ARHGEF10L: variants seen among roughly 807,000 people sequenced by gnomAD.
The protein encoded by ARHGEF10L is Rho guanine nucleotide exchange factor 10 like.
In ARHGEF10L, 69 loss-of-function variants were observed where a neutral mutation model predicts 141.2. The observed-to-expected ratio is 0.49, with a 90% CI of 0.40 to 0.60. The LOEUF (loss-of-function observed/expected upper bound fraction) is 0.60. Ranked by LOEUF, ARHGEF10L falls within the 20% of genes least tolerant of loss-of-function variation. ARHGEF10L has a pLI of 0.00. For synonymous variants in ARHGEF10L, 711 were observed against 718.5 expected, an observed-to-expected ratio of 0.99 and a Z score of 0.17; for missense variants, 1,482 against 1,734.3, an observed-to-expected ratio of 0.85 and a Z score of 2.58.
At chr1:17,616,404 C>T (rs969097851) in intron 9 of ARHGEF10L, among the ~76,000 whole-genome samples, 3 of 152,190 alleles carry the variant, frequency 2.0e-5, no homozygotes, top group Non-Finnish European at 4.4e-5. Context: ...GCAGGCGTGG[C>T]CTGTCCCTTC....
At chr1:17,662,049 C>T (rs2062664844) in intron 25 of ARHGEF10L, among the ~76,000 whole-genome samples, 1 of 152,250 alleles carries the variant, frequency 6.6e-6, no homozygotes, top group Non-Finnish European at 1.5e-5. Context: ...TCAACACTTG[C>T]TTCCACACAC....
intron 7 of ARHGEF10L, 94 bp from the exon 8 acceptor site, chr1:17,612,964 C>T: frequency 1.2e-6 from 1 of 846,096 alleles, no homozygotes; most frequent in East Asian, 2.5e-5. Context: ...TTACCTGAGT[C>T]TCCTTTCTCC....
chr1:17,579,510 G>T (rs932514405), intron 1 of ARHGEF10L, among the ~76,000 whole-genome samples: 10 of 152,124 alleles, frequency 6.6e-5, no homozygotes, highest in African/African-American at 2.2e-4. Context: ...TTATAATTTG[G>T]AATAATAGAC....
intron 2 of ARHGEF10L, among the ~76,000 whole-genome samples, chr1:17,582,858 C>T (rs1296609412): frequency 3.3e-5 from 5 of 152,084 alleles, no homozygotes; most frequent in African/African-American, 1.2e-4. Context: ...CCTTTCCTTC[C>T]CCCTCCCTGC....
chr1:17,629,487 T>C (rs2060563776), intron 15 of ARHGEF10L, among the ~76,000 whole-genome samples: 1 of 152,154 alleles, frequency 6.6e-6, no homozygotes, highest in Non-Finnish European at 1.5e-5. Context: ...AGCTGCCCAC[T>C]TCCCCTTGGT....
In ARHGEF10L at chr1:17,602,894, C is replaced by T. The variant is rs536823970; in HGVS notation, c.350-614C>T. Among the ~76,000 whole-genome samples the T allele has an allele frequency of 7.2e-5, 11 of 151,832 alleles. No individual in the cohort carries two copies. In the East Asian group the frequency reaches 1.8e-3, roughly 24 times the overall value. ...AGGGTGGAGCCTGCTGGGAGGCTAT[C>T]GTGGTCTTGTAGGACAGGAAGTCTG... On this transcript the variant is annotated intron_variant, in intron 5 of 28. Coordinates refer to ENST00000361221, the MANE Select transcript of ARHGEF10L (RefSeq NM_018125.4).
chr1:17,672,708 C>T (rs372061747), intron 26 of ARHGEF10L, among the ~76,000 whole-genome samples: 12 of 152,102 alleles, frequency 7.9e-5, no homozygotes, highest in East Asian at 3.9e-4. Context: ...AGAACAAGTT[C>T]ACAAGGAAGA....
At chr1:17,691,293 T>G in intron 27 of ARHGEF10L, 8 of 296,348 alleles carry the variant, frequency 2.7e-5, no homozygotes, top group Non-Finnish European at 4.5e-5. Context: ...TCTTGCTCTT[T>G]TCCTTGAGGT....
chr1:17,582,591 C>T (rs1463831933), intron 2 of ARHGEF10L, among the ~76,000 whole-genome samples: 2 of 152,240 alleles, frequency 1.3e-5, no homozygotes, highest in Non-Finnish European at 2.9e-5. Context: ...TCTGTCTTTG[C>T]TGTGGCCTCT....
chr1:17,655,824 C>A, intron 23 of ARHGEF10L, 55 bp from the exon 24 acceptor site: 1 of 1,501,042 alleles, frequency 6.7e-7, no homozygotes, highest in South Asian at 1.3e-5. Context: ...TGAGGTCCTC[C>A]TCTGCTCCCT....
chr1:17,690,534 T>C (rs1384849634), intron 27 of ARHGEF10L, among the ~76,000 whole-genome samples: 1 of 152,258 alleles, frequency 6.6e-6, no homozygotes, highest in Non-Finnish European at 1.5e-5. Flanking sequence ...AGTGTGCCAT[T>C]CCTGTCGCAT....
chr1:17,690,759 C>CT (rs1473565505), intron 27 of ARHGEF10L, among the ~76,000 whole-genome samples: 1 of 152,210 alleles, frequency 6.6e-6, no homozygotes, highest in Non-Finnish European at 1.5e-5. Context: ...CTGAGAGTGG[C>CT]TCCCTGAGCT....
chr1:17,561,690 A>T (rs2077551391), intron 1 of ARHGEF10L, among the ~76,000 whole-genome samples: 2 of 152,186 alleles, frequency 1.3e-5, no homozygotes, highest in Non-Finnish European at 2.9e-5. Flanking sequence ...CCTGCCCTGG[A>T]GCCAGCTATG....
chr1:17,566,290 CT>C (rs1383799111), intron 1 of ARHGEF10L, among the ~76,000 whole-genome samples: 2 of 152,208 alleles, frequency 1.3e-5, no homozygotes, highest in East Asian at 3.8e-4. Context: ...AGTGTCCCCC[CT>C]CCCCACCTAG....
At chr1:17,695,401 C>G in intron 28 of ARHGEF10L, 121 bp downstream of exon 28, 1 of 1,363,098 alleles carries the variant, frequency 7.3e-7, no homozygotes. Flanking sequence ...CAGTCTCCAG[C>G]TTCCTCTCAT....
At position 17,603,477 on chromosome 1, in the gene ARHGEF10L, G is replaced by T. The variant is rs75764220; in HGVS notation, c.350-31G>T. The stretch of plus-strand genomic sequence containing the variant: ...TCTGGCCAGGCTGCCACAGCCCACG[G>T]TGGTGCTCTCTCTCCCCACTTCCCT... On this transcript the variant is annotated intron_variant, in intron 5 of 28. Transcript: ENST00000361221. This position sits in a 1 kb window ranked among gnomAD's most constrained non-coding sequence, Gnocchi z 4.8. The T allele has an allele frequency of 0.14, 222,991 of 1,593,328 alleles. 17,489 individuals are homozygous for T. The highest frequency in any genetic ancestry group is 0.33 in the African/African-American group (24,537 of 74,414).
chr1:17,622,276 C>A (rs1397858612), intron 11 of ARHGEF10L, among the ~76,000 whole-genome samples: 2 of 152,180 alleles, frequency 1.3e-5, no homozygotes, highest in African/African-American at 4.8e-5. Flanking sequence ...GTCTTCCCAT[C>A]CTCCTGGGAT....
intron 4 of ARHGEF10L, among the ~76,000 whole-genome samples, chr1:17,601,224 C>T (rs2080651847): frequency 6.6e-6 from 1 of 152,034 alleles, no homozygotes; most frequent in East Asian, 1.9e-4. Context: ...GGTGAAGTAC[C>T]CATTTCATGA....
At position 17,621,400 on chromosome 1, in the gene ARHGEF10L, T is replaced by C. The variant is rs959216355; in HGVS notation, c.943-464T>C. The stretch of plus-strand genomic sequence containing the variant: ...GGCGCGTGCCACCACGCCCAGCTGA[T>C]TTTTGTATTTTTACTAGAGACAGGG... On this transcript the variant is annotated intron_variant, in intron 10 of 28. Transcript: ENST00000361221. The surrounding 1 kb of genome is among the most constrained non-coding windows in gnomAD (Gnocchi z 4.1). Among the ~76,000 whole-genome samples, 2 of 152,106 alleles carry C rather than the reference T, an allele frequency of 1.3e-5. No individual in the cohort carries two copies. Among genetic ancestry groups the C allele is most frequent in the Non-Finnish European group, 2.9e-5 (2 of 68,018 alleles).
Sources: allele counts gnomAD v4.1 joint callset (sites outside exome capture counted in the v4.1 genomes callset), GRCh38; gene constraint gnomAD v4.1.1; non-coding constraint Gnocchi (gnomAD v3.1); transcripts MANE v1.5; gene names NCBI Gene and HGNC (gene_info 2026-07-23, HGNC 2026-07-21).